The following CNTRL variants were observed in gnomAD, a reference collection of about 807,000 sequenced individuals.
The protein encoded by CNTRL is 110 kDa centrosomal protein.
Under a neutral mutation model 303.7 loss-of-function variants are expected in CNTRL, and 233 were observed. The ratio of observed to expected loss-of-function variants is 0.77; its 90% CI spans 0.69 to 0.86. CNTRL has a LOEUF of 0.86. Among genes scored for constraint, CNTRL ranks in the 40% least tolerant of loss-of-function variants. The probability of loss-of-function intolerance (pLI) is 0.00; values close to 1 mark genes in which losing one functional copy is unlikely to be tolerated. For missense variants in CNTRL, 2,524 were observed against 2,650.6 expected, an observed-to-expected ratio of 0.95 and a Z score of 1.05; for synonymous variants, 900 against 922.2, an observed-to-expected ratio of 0.98 and a Z score of 0.44.
chr9:121,140,288 C>G (rs2051428436), intron 16 of CNTRL, among the ~76,000 whole-genome samples: 3 of 152,166 alleles, frequency 2.0e-5, no homozygotes, highest in Non-Finnish European at 4.4e-5. Context: ...TATTTTCTGG[C>G]TAGTTGATGT....
rs1297448908 is a variant in CNTRL, at chr9:121,150,405, G to A, written c.3885G>A (p.Gly1295=). The A allele has an allele frequency of 5.0e-6, 8 of 1,613,960 alleles. No individual in the cohort carries two copies. In the African/African-American group the frequency reaches 1.1e-4, roughly 22 times the overall value. The change falls in exon 25 of 44, where the codon GGG becomes GGA. Residue 1295 remains glycine (G), a synonymous_variant. Transcript: ENST00000373855. ...CTGCTGGGGCCCCCATGGTGTATGG[G>A]CCTCCACCCCCCAACTTCTCCATCC... ...PPPAGAPMVY[G]PPPPNFSIPF...
chr9:121,089,986 A>G (rs1354569938), intron 3 of CNTRL, among the ~76,000 whole-genome samples: 1 of 152,130 alleles, frequency 6.6e-6, no homozygotes. Flanking sequence ...TATAGTTACT[A>G]CATTACAATA....
intron 14 of CNTRL, among the ~76,000 whole-genome samples, chr9:121,127,831 T>G (rs2050619615): frequency 7.7e-6 from 1 of 130,414 alleles, no homozygotes; most frequent in Non-Finnish European, 1.6e-5. Flanking sequence ...TGTGTGATGT[T>G]CCCTGCCCTG....
chr9:121,124,021 ATACTTTC>A lies in CNTRL; in HGVS notation c.1744_1750del (p.Leu582GlufsTer21). 6.2e-7 allele frequency: 1 copy of A among 1,613,228 alleles called. No homozygotes were observed. Among genetic ancestry groups the A allele is most frequent in the Non-Finnish European group, 8.5e-7 (1 of 1,179,560 alleles). ...ACAACTTGAAAGTCGTTTGGATGAGATACTTTCTAGAATTGCTAAGGAAACGGAAGAG... is the reference window on the plus strand; with the variant it reads ...ACAACTTGAAAGTCGTTTGGATGAGATAGAATTGCTAAGGAAACGGAAGAG... On this transcript the variant is annotated frameshift_variant, in exon 13 of 44. Transcript: ENST00000373855. LOFTEE classifies it high-confidence loss of function.
At chr9:121,149,757 G>A (rs2052108283) in intron 24 of CNTRL, among the ~76,000 whole-genome samples, 1 of 152,132 alleles carries the variant, frequency 6.6e-6, no homozygotes, top group Non-Finnish European at 1.5e-5. Context: ...TGTTGTCAGT[G>A]ATCAGCAAAC....
chr9:121,093,864 T>C (rs1167342232), intron 4 of CNTRL, among the ~76,000 whole-genome samples: 2 of 151,652 alleles, frequency 1.3e-5, no homozygotes, highest in Non-Finnish European at 2.9e-5. Flanking sequence ...GGGGAGGAGG[T>C]GAGATCATGC....
intron 7 of CNTRL, among the ~76,000 whole-genome samples, chr9:121,102,523 A>C (rs1327153228): frequency 6.6e-6 from 1 of 152,220 alleles, no homozygotes; most frequent in Non-Finnish European, 1.5e-5. Context: ...CTCCTATTCA[A>C]CATAGTGTTG....
intron 4 of CNTRL, 129 bp downstream of exon 4, chr9:121,090,534 TAAATCA>T (rs948291354): frequency 2.4e-6 from 2 of 819,118 alleles, no homozygotes; most frequent in Non-Finnish European, 3.7e-6. Context: ...GTGAATGTTC[TAAATCA>T]GAAGTATATG....
rs62578441 is a variant in CNTRL at position 121,092,524 on chromosome 9, A to T, written c.348+2119A>T. Among the ~76,000 whole-genome samples the T allele has an allele frequency of 1.8e-3, 94 of 51,498 alleles. 1 individual carries two copies. Among genetic ancestry groups the T allele is most frequent in the Middle Eastern group, 8.5e-3 (1 of 118 alleles). The allele number at this position is 51,498 out of a possible 152,430, so 33.8% of individuals were successfully genotyped here. On this transcript the variant is annotated intron_variant, in intron 4 of 43. Coordinates refer to ENST00000373855, the MANE Select transcript of CNTRL (RefSeq NM_007018.6). ...ATATATAATATATATCTATATATAT[A>T]ATATATATCTATATATATTATATAT...
chr9:121,172,152 A>G (rs2053334381), intron 40 of CNTRL, among the ~76,000 whole-genome samples: 1 of 152,232 alleles, frequency 6.6e-6, no homozygotes, highest in Non-Finnish European at 1.5e-5. Context: ...GATGCCCCAC[A>G]TATACCCACC....
At chr9:121,083,414 C>T (rs143525099) in intron 2 of CNTRL, among the ~76,000 whole-genome samples, 12 of 152,098 alleles carry the variant, frequency 7.9e-5, no homozygotes, top group African/African-American at 2.4e-4. Context: ...AAAACTGAGA[C>T]GCAAACACAC....
chr9:121,123,960 A>G lies in CNTRL; in HGVS notation c.1680A>G (p.Lys560=). ...HSHMKAQKSG[K]EQQLDIMNKQ... is the part of the protein sequence containing the mutation. ...ATATGAAGGCTCAAAAGAGCGGTAA[A>G]GAACAACAGCTTGACATTATGAACA... The change falls in exon 13 of 44, where the codon AAA becomes AAG. Residue 560 remains lysine, a synonymous_variant. Transcript: ENST00000373855. 6.2e-7 allele frequency: 1 copy of G among 1,607,500 alleles called. No homozygotes were observed. The highest frequency in any genetic ancestry group is 1.1e-5 in the South Asian group (1 of 89,294).
intron 12 of CNTRL, among the ~76,000 whole-genome samples, chr9:121,123,299 G>A (rs1358473803): frequency 6.6e-6 from 1 of 152,050 alleles, no homozygotes. Flanking sequence ...CACATTTTAG[G>A]CTGGGCACGG....
chr9:121,105,457 C>T (rs1198394430), intron 7 of CNTRL, among the ~76,000 whole-genome samples: 4 of 152,148 alleles, frequency 2.6e-5, no homozygotes, highest in South Asian at 4.1e-4. Flanking sequence ...GTGGAGGTGG[C>T]ATAGAGTCAG....
At chr9:121,164,296 A>G (rs2052996285) in intron 34 of CNTRL, among the ~76,000 whole-genome samples, 1 of 152,224 alleles carries the variant, frequency 6.6e-6, no homozygotes, top group South Asian at 2.1e-4. Context: ...ACTCCTAGGT[A>G]TTATATTTAT....
intron 7 of CNTRL, among the ~76,000 whole-genome samples, chr9:121,104,292 G>A (rs535891408): frequency 1.2e-3 from 177 of 152,228 alleles, no homozygotes; most frequent in African/African-American, 3.8e-3. Flanking sequence ...ACCAAACACC[G>A]CATGTTCTCA....
At chr9:121,156,205 A>G (rs1473373112) in intron 27 of CNTRL, among the ~76,000 whole-genome samples, 3 of 151,946 alleles carry the variant, frequency 2.0e-5, no homozygotes, top group Non-Finnish European at 4.4e-5. Context: ...ATTAATATAT[A>G]TAGGTATAGA....
chr9:121,160,942 A>G (rs145403597), intron 32 of CNTRL, among the ~76,000 whole-genome samples: 207 of 152,340 alleles, frequency 1.4e-3, no homozygotes, highest in Non-Finnish European at 2.3e-3. Flanking sequence ...TTATGCCACT[A>G]TGCTTCAGCC....
At chr9:121,143,021 T>C (rs1346372758) in intron 19 of CNTRL, among the ~76,000 whole-genome samples, 1 of 152,188 alleles carries the variant, frequency 6.6e-6, no homozygotes, top group African/African-American at 2.4e-5. Flanking sequence ...CTTCCACTGG[T>C]TGTTCCTGGA....
Sources: allele counts gnomAD v4.1 joint callset (sites outside exome capture counted in the v4.1 genomes callset), GRCh38; gene constraint gnomAD v4.1.1; transcripts MANE v1.5; gene names NCBI Gene and HGNC (gene_info 2026-07-23, HGNC 2026-07-21).